Variants in OSBPL1A observed in about 807,000 individuals in gnomAD.
The protein encoded by OSBPL1A is oxysterol binding protein like 1A, also known as oxysterol-binding protein-related protein 1.
A neutral mutation model predicts 137.1 loss-of-function variants in OSBPL1A; 80 were observed. That is an observed-to-expected ratio of 0.58 (90% CI 0.49 to 0.70). OSBPL1A has a LOEUF of 0.70. Among genes scored for constraint, OSBPL1A ranks in the 30% least tolerant of loss-of-function variants. The probability of loss-of-function intolerance (pLI) is 0.00; values close to 1 mark genes in which losing one functional copy is unlikely to be tolerated. For synonymous variants in OSBPL1A, 365 were observed against 389.7 expected, an observed-to-expected ratio of 0.94 and a Z score of 0.75; for missense variants, 970 against 1,129.4, an observed-to-expected ratio of 0.86 and a Z score of 2.02.
chr18:24,211,086 C>T (rs1361166759), intron 17 of OSBPL1A, among the ~76,000 whole-genome samples: 1 of 152,130 alleles, frequency 6.6e-6, no homozygotes, highest in African/African-American at 2.4e-5. Flanking sequence ...CTGCCTCAGC[C>T]TCCCGAATAG....
At chr18:24,273,698 C>T (rs758564846) in intron 15 of OSBPL1A, among the ~76,000 whole-genome samples, 1 of 152,150 alleles carries the variant, frequency 6.6e-6, no homozygotes, top group Non-Finnish European at 1.5e-5. Context: ...CAGTTGCTTC[C>T]TTAGGAAGCT....
intron 1 of OSBPL1A, among the ~76,000 whole-genome samples, chr18:24,384,217 TGACTCTATTTGGTTGTGGTGAATTTGAGA>T (rs1906790040): frequency 6.6e-6 from 1 of 152,214 alleles, no homozygotes; most frequent in African/African-American, 2.4e-5. Flanking sequence ...AGTGAAGATG[TGACTCTATTTGGTTGTGGTGAATTTGAGA>T]TTCCTGTGGG....
Position 24,225,149 on chromosome 18 carries a change from G to T in OSBPL1A, c.1494C>A (p.Arg498=). Residue 498 remains arginine, a synonymous_variant, in exon 17 of 28, where the codon CGC becomes CGA. Coordinates refer to ENST00000319481, the MANE Select transcript of OSBPL1A (RefSeq NM_080597.4). ...AATGCTCTCCTTCCTCTTCAAAGGA[G>T]CGTGCTGTCACTGCTTCCAATCTAC... The part of the protein sequence containing the change: ...SLSRLEAVTA[R]SFEEEGEHLG... The T allele has an allele frequency of 6.2e-7, 1 of 1,614,138 alleles. No homozygotes were observed. The highest frequency in any genetic ancestry group is 2.2e-5 in the East Asian group (1 of 44,880).
At chr18:24,346,924 AT>A (rs531979604) in intron 4 of OSBPL1A, among the ~76,000 whole-genome samples, 48 of 112,040 alleles carry the variant, frequency 4.3e-4, no homozygotes, top group Non-Finnish European at 7.7e-4. Flanking sequence ...TTTTTTTTTC[AT>A]TTTTTGTAGA....
intron 15 of OSBPL1A, among the ~76,000 whole-genome samples, chr18:24,240,998 C>G (rs563262177): frequency 6.6e-6 from 1 of 152,154 alleles, no homozygotes; most frequent in Admixed American, 6.6e-5. Context: ...TGATCTTTGA[C>G]AAACCTGACA....
At chr18:24,296,337 T>G (rs1240724895) in intron 14 of OSBPL1A, among the ~76,000 whole-genome samples, 1 of 152,188 alleles carries the variant, frequency 6.6e-6, no homozygotes, top group Non-Finnish European at 1.5e-5. Context: ...TGCTACTGAT[T>G]TGTATACATT....
chr18:24,182,456 G>A (rs995233427), intron 18 of OSBPL1A, among the ~76,000 whole-genome samples: 6 of 151,464 alleles, frequency 4.0e-5, no homozygotes, highest in Non-Finnish European at 7.4e-5. Context: ...GGCTGGTTGC[G>A]TGGGCGGGTG....
chr18:24,265,032 T>C (rs2089538039), intron 15 of OSBPL1A, among the ~76,000 whole-genome samples: 1 of 152,230 alleles, frequency 6.6e-6, no homozygotes. Context: ...ATCCACATCC[T>C]GCCTCCACTG....
chr18:24,318,738 T>C lies in OSBPL1A; in HGVS notation c.687+10A>G. The C allele has an allele frequency of 3.7e-6, 6 of 1,608,554 alleles. No individual in the cohort carries two copies. Among genetic ancestry groups the C allele is most frequent in the Non-Finnish European group, 5.1e-6 (6 of 1,177,690 alleles). On this transcript the variant is annotated intron_variant, in intron 8 of 27. Coordinates refer to ENST00000319481, the MANE Select transcript of OSBPL1A (RefSeq NM_080597.4). Reference sequence around the variant, plus strand: ...AAATTATTAGATAAATTTAATTCATTACTCTGTACCTTATTACCAACAAGA... The same window carrying C: ...AAATTATTAGATAAATTTAATTCATCACTCTGTACCTTATTACCAACAAGA...
Position 24,276,137 on chromosome 18 carries a change from G to C in OSBPL1A, c.1281+4705C>G, listed in dbSNP as rs151133339. On this transcript the variant is annotated intron_variant, in intron 15 of 27. Coordinates refer to ENST00000319481, the MANE Select transcript of OSBPL1A (RefSeq NM_080597.4). ...AGCTTCTACTGACTTTAAATGGGCA[G>C]TTCTTACCTTGGAAAAATTGGTATG... 2.4e-3 allele frequency among the ~76,000 whole-genome samples: 373 copies of C among 152,286 alleles called. 1 individual carries two copies. Among genetic ancestry groups the C allele is most frequent in the South Asian group, 5.8e-3 (28 of 4,828 alleles).
At chr18:24,380,631 G>A (rs1193133960) in intron 1 of OSBPL1A, among the ~76,000 whole-genome samples, 1 of 152,226 alleles carries the variant, frequency 6.6e-6, no homozygotes, top group Non-Finnish European at 1.5e-5. Context: ...GCTCGCACAA[G>A]GCCTCGCTCA....
At chr18:24,260,837 C>CAAAAAAAAAAA (rs71373370) in intron 15 of OSBPL1A, among the ~76,000 whole-genome samples, 2 of 120,458 alleles carry the variant, frequency 1.7e-5, no homozygotes, top group African/African-American at 3.1e-5. Flanking sequence ...TAAAAGAACT[C>CAAAAAAAAAAA]AAAAAAAAAA....
intron 14 of OSBPL1A, among the ~76,000 whole-genome samples, chr18:24,297,524 C>T (rs2090314521): frequency 6.6e-6 from 1 of 152,174 alleles, no homozygotes. Flanking sequence ...TTAATGCAGG[C>T]ATTAAACGCT....
At chr18:24,308,642 T>C (rs1568016155) in intron 13 of OSBPL1A, among the ~76,000 whole-genome samples, 1 of 152,172 alleles carries the variant, frequency 6.6e-6, no homozygotes, top group Non-Finnish European at 1.5e-5. Context: ...CCCAGCACTG[T>C]CCAATAGAAC....
At chr18:24,307,045 C>T (rs2090516799) in intron 13 of OSBPL1A, among the ~76,000 whole-genome samples, 1 of 151,414 alleles carries the variant, frequency 6.6e-6, no homozygotes, top group South Asian at 2.1e-4. Context: ...TCATTTGAGC[C>T]CAGCATTTCG....
intron 3 of OSBPL1A, among the ~76,000 whole-genome samples, 159 bp from the exon 4 acceptor site, chr18:24,367,125 G>A (rs1474814541): frequency 1.3e-5 from 2 of 151,938 alleles, no homozygotes; most frequent in Admixed American, 6.6e-5. Flanking sequence ...AAGCCAGCAC[G>A]GTGGTTTGAG....
chr18:24,395,101 A>C (rs73396231), intron 1 of OSBPL1A, among the ~76,000 whole-genome samples: 6,252 of 152,286 alleles, frequency 0.041, 185 homozygotes, highest in African/African-American at 0.089. Flanking sequence ...GTCTTTTCTT[A>C]AACTTCATGA....
chr18:24,276,016 C>T (rs1477324381), intron 15 of OSBPL1A, among the ~76,000 whole-genome samples: 1 of 152,028 alleles, frequency 6.6e-6, no homozygotes, highest in South Asian at 2.1e-4. Flanking sequence ...GCATGAGCCA[C>T]CGTGCCTGTA....
At chr18:24,173,523 G>A (rs563690437) in intron 21 of OSBPL1A, among the ~76,000 whole-genome samples, 1 of 151,834 alleles carries the variant, frequency 6.6e-6, no homozygotes, top group African/African-American at 2.4e-5. Flanking sequence ...AGTGATTCTC[G>A]GGCCTCAGCC....
Sources: allele counts gnomAD v4.1 joint callset (sites outside exome capture counted in the v4.1 genomes callset), GRCh38; gene constraint gnomAD v4.1.1; transcripts MANE v1.5; gene names NCBI Gene and HGNC (gene_info 2026-07-23, HGNC 2026-07-21).